Variants in PRR35 observed in about 807,000 individuals in gnomAD.
The protein encoded by PRR35 is proline-rich protein 35.
In PRR35, 14 loss-of-function variants were observed where a neutral mutation model predicts 18.6. The ratio of observed to expected loss-of-function variants is 0.75; its 90% CI spans 0.50 to 1.18. PRR35 has a LOEUF of 1.18. Ranked by LOEUF, PRR35 falls within the 50% of genes most tolerant of loss-of-function variation. The pLI, the probability that PRR35 is intolerant of heterozygous loss-of-function variation, is 0.00. For missense variants in PRR35, 832 were observed against 792.2 expected, an observed-to-expected ratio of 1.05 and a Z score of -0.60; for synonymous variants, 425 against 378.2, an observed-to-expected ratio of 1.12 and a Z score of -1.43.
At chr16:562,438 ACATGCATG>A (rs1207426685) in intron 1 of PRR35, among the ~76,000 whole-genome samples, 2 of 152,032 alleles carry the variant, frequency 1.3e-5, no homozygotes, top group Admixed American at 6.5e-5. Flanking sequence ...ACGCACTCAC[ACATGCATG>A]CATGCACACA....
At chr16:560,229 G>C (rs1409117113), upstream of PRR35, 2 of 623,722 alleles carry the variant, frequency 3.2e-6, no homozygotes, top group South Asian at 7.0e-5. Context: ...CCCGGCGCAC[G>C]AGGCCGGTGA....
chr16:564,448 C>A, intron 2 of PRR35, 72 bp downstream of exon 2: 2 of 1,541,156 alleles, frequency 1.3e-6, no homozygotes, highest in Admixed American at 1.9e-5. Flanking sequence ...GGTTGGGCGG[C>A]TGGGCATGGC....
upstream of PRR35, among the ~76,000 whole-genome samples, chr16:560,204 G>A (rs1596372577): frequency 6.7e-6 from 1 of 150,218 alleles, no homozygotes; most frequent in African/African-American, 2.4e-5. Flanking sequence ...CGCGCGCCCC[G>A]AGAGCTGAGC....
rs893281242 is a variant in PRR35, at chr16:564,350, C to A, written c.1056C>A (p.Ser352Arg). The change falls in exon 2 of 3, where the codon AGC (serine) becomes AGA (arginine). Residue 352 changes from serine (S) to arginine (R), a missense_variant. Coordinates refer to ENST00000409413, the MANE Select transcript of PRR35 (RefSeq NM_145270.3). ...TGGAGCTTCCGAAGGCATCCCCCAG[C>A]CTGACAAGGTTCTGTTCCCGGAGCA... Reference protein sequence around the residue: ...SRLELPKASPSLTRFCSRSSL... With the variant: ...SRLELPKASPRLTRFCSRSSL... The A allele has an allele frequency of 6.3e-7, 1 of 1,587,132 alleles. No individual in the cohort carries two copies. The highest frequency in any genetic ancestry group is 8.5e-7 in the Non-Finnish European group (1 of 1,173,530).
At chr16:561,759 C>T (rs1299212467) in intron 1 of PRR35, 2 of 985,364 alleles carry the variant, frequency 2.0e-6, no homozygotes, top group Non-Finnish European at 2.4e-6. Context: ...GCTCAACCCA[C>T]TGGCCATGCA....
intron 2 of PRR35, 77 bp downstream of exon 2, chr16:564,453 C>T (rs2035497381): frequency 6.5e-7 from 1 of 1,534,184 alleles, no homozygotes. Context: ...GGCGGCTGGG[C>T]ATGGCGGCTG....
intron 1 of PRR35, among the ~76,000 whole-genome samples, chr16:562,560 C>CAG (rs1373346931): frequency 6.6e-6 from 1 of 151,270 alleles, no homozygotes; most frequent in Non-Finnish European, 1.5e-5. Context: ...TGCACGCACA[C>CAG]ACACGTGCAT....
In PRR35 at chr16:560,417, TCGGGGGGACGCGGGCGGCGG is replaced by T. The variant is rs1334989050; in HGVS notation, c.-280_-261del. On this transcript the variant is annotated 5_prime_UTR_variant, in exon 1 of 3. Transcript: ENST00000409413. ...CCAACTTCGGGAGGTGCGAGCGGCG[TCGGGGGGACGCGGGCGGCGG>T]CGGAGGCTGCGGGAGTCGCTGCCGC... 3.1e-6 allele frequency: 3 copies of T among 982,268 alleles called. No homozygotes were observed. The highest frequency in any genetic ancestry group is 3.5e-5 in the African/African-American group (2 of 56,692). The allele number at this position is 982,268 out of a possible 1,614,324, so 60.8% of individuals were successfully genotyped here.
At position 564,325 on chromosome 16, in the gene PRR35, T is replaced by C. The variant is rs1315610504; in HGVS notation, c.1031T>C (p.Leu344Pro). ...PRRRLSLGSR[L>P]ELPKASPSLT... ...AGGAGGCTGTCCCTGGGAAGCAGGC[T>C]GGAGCTTCCGAAGGCATCCCCCAGC... is the stretch of plus-strand genomic sequence containing the variant. Residue 344 changes from leucine (L) to proline (P), a missense_variant, in exon 2 of 3, where the codon CTG (leucine) becomes CCG (proline). Transcript: ENST00000409413. 3.2e-6 allele frequency: 5 copies of C among 1,581,136 alleles called. No homozygotes were observed. The highest frequency in any genetic ancestry group is 4.3e-6 in the Non-Finnish European group (5 of 1,169,304).
At chr16:563,148 G>C (rs1323858083) in intron 1 of PRR35, 108 bp from the exon 2 acceptor site, 11 of 1,134,584 alleles carry the variant, frequency 9.7e-6, no homozygotes, top group African/African-American at 4.8e-5. Context: ...GCGGCGGGGT[G>C]GGGGGAGCAC....
Position 564,009 on chromosome 16 carries a change from G to A in PRR35, c.715G>A (p.Ala239Thr). Residue 239 changes from alanine (A) to threonine (T), a missense_variant, in exon 2 of 3, where the codon GCC (alanine) becomes ACC (threonine). Transcript: ENST00000409413. ...AGCCCATGTGCCCTTCCTGGCCTCG[G>A]CCAGCCCCCTGCTGCCCCCGGCCAC... ...AAAHVPFLASASPLLPPATAF... is the reference protein window; with the variant it reads ...AAAHVPFLASTSPLLPPATAF... 6.3e-7 allele frequency: 1 copy of A among 1,596,546 alleles called. No homozygotes were observed. The highest frequency in any genetic ancestry group is 1.1e-5 in the South Asian group (1 of 89,350).
intron 1 of PRR35, among the ~76,000 whole-genome samples, chr16:561,080 C>T (rs1005051948): frequency 7.2e-5 from 11 of 152,038 alleles, no homozygotes; most frequent in African/African-American, 2.2e-4. Context: ...TGAGTGGGGC[C>T]GGGTGTCGGG....
chr16:560,631 A>G lies in PRR35; in HGVS notation c.-70A>G. ...TTGCGCCCTACACGCGGCCTCGCAG[A>G]CTTGGCGGCTCCGCTCCCGGCCGGG... On this transcript the variant is annotated 5_prime_UTR_variant, in exon 1 of 3. Coordinates refer to ENST00000409413, the MANE Select transcript of PRR35 (RefSeq NM_145270.3). 1.0e-6 allele frequency: 1 copy of G among 981,988 alleles called. No individual in the cohort carries two copies. The allele number at this position is 981,988 out of a possible 1,614,324, so 60.8% of individuals were successfully genotyped here. A position where few individuals can be genotyped will look rare whatever the true frequency, so the allele number is the denominator to read the frequency against.
rs780653463 is a variant in PRR35, at chr16:564,323, GC to G, written c.1030del (p.Leu344TrpfsTer10). ...GGAGGAGGCTGTCCCTGGGAAGCAG[GC>G]TGGAGCTTCCGAAGGCATCCCCCAG... ...PRRRLSLGSR[L>X]ELPKASPSLT... On this transcript the variant is annotated frameshift_variant, in exon 2 of 3. Coordinates refer to ENST00000409413, the MANE Select transcript of PRR35 (RefSeq NM_145270.3). LOFTEE classifies it high-confidence loss of function. The G allele has an allele frequency of 1.9e-6, 3 of 1,580,838 alleles. No homozygotes were observed. The highest frequency in any genetic ancestry group is 2.6e-6 in the Non-Finnish European group (3 of 1,169,080).
intron 1 of PRR35, among the ~76,000 whole-genome samples, chr16:560,964 G>C (rs2035424266): frequency 6.6e-6 from 1 of 151,944 alleles, no homozygotes; most frequent in South Asian, 2.1e-4. Context: ...TCTGCGGGTG[G>C]CCGATCAGGG....
At position 565,350 on chromosome 16, in the gene PRR35, C is replaced by G. The variant is rs771278816; in HGVS notation, c.*43C>G. ...CTGACTGTCTCTGCCTGCAGCATGC[C>G]GGCCCCTCTCCTGCAGCCCCTGCCC... On this transcript the variant is annotated 3_prime_UTR_variant, in exon 3 of 3. Coordinates refer to ENST00000409413, the MANE Select transcript of PRR35 (RefSeq NM_145270.3). 6 of 1,421,554 alleles carry G rather than the reference C, an allele frequency of 4.2e-6. No individual in the cohort carries two copies. The highest frequency in any genetic ancestry group is 1.5e-5 in the South Asian group (1 of 65,226). The allele number at this position is 1,421,554 out of a possible 1,614,324, so 88.1% of individuals were successfully genotyped here. A position where few individuals can be genotyped will look rare whatever the true frequency, so the allele number is the denominator to read the frequency against.
In PRR35 at chr16:565,107, C is replaced by T. The variant is rs767436944; in HGVS notation, c.1516C>T (p.Pro506Ser). ...GTPEPPGMLG[P>S]AAPQPFSGHT... Reference sequence around the variant, plus strand: ...CCCCGAGCCACCCGGCATGCTGGGCCCTGCAGCGCCCCAACCCTTCTCTGG... The same window carrying T: ...CCCCGAGCCACCCGGCATGCTGGGCTCTGCAGCGCCCCAACCCTTCTCTGG... The change falls in exon 3 of 3, where the codon CCT (proline) becomes TCT (serine). Residue 506 changes from proline to serine, a missense_variant. Physicochemically the swap from Pro to Ser is moderately conservative, Grantham distance 74 (BLOSUM62 -1). Coordinates refer to ENST00000409413, the MANE Select transcript of PRR35 (RefSeq NM_145270.3). The T allele has an allele frequency of 1.8e-5, 28 of 1,599,322 alleles. No individual in the cohort carries two copies. Among genetic ancestry groups the T allele is most frequent in the Non-Finnish European group, 2.4e-5 (28 of 1,172,394 alleles).
intron 1 of PRR35, 96 bp from the exon 2 acceptor site, chr16:563,160 C>T: frequency 8.0e-7 from 1 of 1,251,228 alleles, no homozygotes; most frequent in South Asian, 1.6e-5. Flanking sequence ...GGGGAGCACC[C>T]AGGCTCCAGT....
Position 563,422 on chromosome 16 carries a change from C to G in PRR35, c.128C>G (p.Pro43Arg). 1 of 1,612,564 alleles carries G rather than the reference C, an allele frequency of 6.2e-7. No homozygotes were observed. The highest frequency in any genetic ancestry group is 8.5e-7 in the Non-Finnish European group (1 of 1,179,690). Reference sequence around the variant, plus strand: ...TACAACTACAAATGCTTCCAGTGCCCCTTCACCTGCCTGGAGAAGTCACAC... The same window carrying G: ...TACAACTACAAATGCTTCCAGTGCCGCTTCACCTGCCTGGAGAAGTCACAC... ...KPYNYKCFQC[P>R]FTCLEKSHLY... Residue 43 changes from proline to arginine, a missense_variant, in exon 2 of 3, where the codon CCC becomes CGC. Pro to Arg is a moderately radical substitution (Grantham distance 103, BLOSUM62 -2). Coordinates refer to ENST00000409413, the MANE Select transcript of PRR35 (RefSeq NM_145270.3).
Sources: gnomAD v4.1 joint callset for allele counts (sites outside exome capture counted in the v4.1 genomes callset) on GRCh38, gnomAD v4.1.1 for gene constraint, MANE v1.5 for transcripts, NCBI Gene and HGNC (gene_info 2026-07-23, HGNC 2026-07-21) for gene names.